The following RNF157 variants were observed in gnomAD, a reference collection of about 807,000 sequenced individuals.
RNF157 encodes the protein E3 ubiquitin ligase RNF157.
In RNF157, 55 loss-of-function variants were observed where a neutral mutation model predicts 88.3. That is an observed-to-expected ratio of 0.62 (90% CI 0.50 to 0.78). RNF157 has a LOEUF of 0.78. Among genes scored for constraint, RNF157 ranks in the 30% least tolerant of loss-of-function variants. The pLI, the probability that RNF157 is intolerant of heterozygous loss-of-function variation, is 0.00. For synonymous variants in RNF157, 334 were observed against 341.2 expected (o/e 0.98, Z 0.23); for missense variants, 788 against 860.8 (o/e 0.92, Z 1.06).
chr17:76,209,164 A>G (rs2069733365), intron 2 of RNF157, among the ~76,000 whole-genome samples: 1 of 151,862 alleles, frequency 6.6e-6, no homozygotes, highest in African/African-American at 2.4e-5. Flanking sequence ...GGCTCAGGTG[A>G]TCCTCCCATC....
At chr17:76,194,896 T>A (rs910445565) in intron 2 of RNF157, among the ~76,000 whole-genome samples, 2 of 152,068 alleles carry the variant, frequency 1.3e-5, no homozygotes, top group African/African-American at 4.8e-5. Context: ...GCGCCTGTAG[T>A]CCCAGCTACT....
At chr17:76,191,279 C>G (rs1003457655) in intron 2 of RNF157, among the ~76,000 whole-genome samples, 1 of 151,580 alleles carries the variant, frequency 6.6e-6, no homozygotes, top group Non-Finnish European at 1.5e-5. Flanking sequence ...AGTTCAAGAT[C>G]GGTTAGGGCA....
intron 1 of RNF157, among the ~76,000 whole-genome samples, chr17:76,224,069 G>T (rs1568074940): frequency 6.6e-6 from 1 of 152,136 alleles, no homozygotes; most frequent in Non-Finnish European, 1.5e-5. Flanking sequence ...ATTACACTGA[G>T]GGAGCCCTAC....
At chr17:76,215,856 T>C (rs914055433) in intron 1 of RNF157, among the ~76,000 whole-genome samples, 2 of 152,208 alleles carry the variant, frequency 1.3e-5, no homozygotes, top group African/African-American at 4.8e-5. Context: ...AGGGCAGCCA[T>C]CTGATACAGT....
rs937701302 is a variant in RNF157, at chr17:76,160,244, G to A, written c.1066-671C>T. 6.6e-6 allele frequency among the ~76,000 whole-genome samples: 1 copy of A among 152,016 alleles called. No homozygotes were observed. The highest frequency in any genetic ancestry group is 1.5e-5 in the Non-Finnish European group (1 of 68,006). ...CTAGTTGTGTCTAACACATCCTATT[G>A]TAAACAAGTTTTGATGAACATCCTT... On this transcript the variant is annotated intron_variant, in intron 11 of 18. Coordinates refer to ENST00000269391, the MANE Select transcript of RNF157 (RefSeq NM_052916.3). This position sits in a 1 kb window ranked among gnomAD's most constrained non-coding sequence, Gnocchi z 4.3.
chr17:76,235,332 G>A (rs570358846), intron 1 of RNF157, among the ~76,000 whole-genome samples: 1 of 151,990 alleles, frequency 6.6e-6, no homozygotes, highest in East Asian at 1.9e-4. Flanking sequence ...CGAGTAGTTG[G>A]GACTACAGGC....
At chr17:76,202,128 T>TCACACACACACACACA (rs60491535) in intron 2 of RNF157, among the ~76,000 whole-genome samples, 3 of 134,602 alleles carry the variant, frequency 2.2e-5, no homozygotes, top group African/African-American at 3.1e-5. Context: ...TCTCTCTCTC[T>TCACACACACACACACA]CACACACACA....
At position 76,195,001 on chromosome 17, in the gene RNF157, C is replaced by A. The variant is rs566180135; in HGVS notation, c.207+17363G>T. ...CTGCACTCCAGCCTGGGTGACAGAG[C>A]GAGACTCTGTCTCAAAAAAACAAAA... On this transcript the variant is annotated intron_variant, in intron 2 of 18. Transcript: ENST00000269391. The surrounding 1 kb of genome is among the most constrained non-coding windows in gnomAD (Gnocchi z 4.4). Among the ~76,000 whole-genome samples the A allele has an allele frequency of 6.6e-6, 1 of 151,800 alleles. No homozygotes were observed. The highest frequency in any genetic ancestry group is 1.5e-5 in the Non-Finnish European group (1 of 67,974).
chr17:76,229,326 C>T (rs2145072373), intron 1 of RNF157, among the ~76,000 whole-genome samples: 1 of 152,344 alleles, frequency 6.6e-6, no homozygotes, highest in South Asian at 2.1e-4. Flanking sequence ...TATCCTGATG[C>T]TGCTGCCTAT....
rs4789248 is a variant in RNF157, at chr17:76,176,954, G to C, written c.208-3164C>G. Among the ~76,000 whole-genome samples, 1 of 152,122 alleles carries C rather than the reference G, an allele frequency of 6.6e-6. No individual in the cohort carries two copies. Among genetic ancestry groups the C allele is most frequent in the African/African-American group, 2.4e-5 (1 of 41,444 alleles). ...CTCGGGAGGAGGTTCTGCGCAGCCC[G>C]TCTGGGGCTGCGCCCCCAGGTCTGC... On this transcript the variant is annotated intron_variant, in intron 2 of 18. Coordinates refer to ENST00000269391, the MANE Select transcript of RNF157 (RefSeq NM_052916.3). This position sits in a 1 kb window ranked among gnomAD's most constrained non-coding sequence, Gnocchi z 4.2.
chr17:76,155,800 G>A (rs1463127031), intron 14 of RNF157, 66 bp from the exon 15 acceptor site: 7 of 1,339,852 alleles, frequency 5.2e-6, no homozygotes, highest in South Asian at 4.6e-5. Flanking sequence ...GCTTTCTGGG[G>A]AGCAGAGCCC....
Position 76,183,493 on chromosome 17 carries a change from T to C in RNF157, c.208-9703A>G, listed in dbSNP as rs938180305. Among the ~76,000 whole-genome samples the C allele has an allele frequency of 2.6e-5, 4 of 152,242 alleles. No homozygotes were observed. The East Asian group carries it at 7.7e-4, about 29-fold the overall frequency. Reference sequence around the variant, plus strand: ...TTTTAGAGGTAGGGTCTTGCTATGTTTCCATGCTGGAATGCAGTGGCTATT... The same window carrying C: ...TTTTAGAGGTAGGGTCTTGCTATGTCTCCATGCTGGAATGCAGTGGCTATT... On this transcript the variant is annotated intron_variant, in intron 2 of 18. Coordinates refer to ENST00000269391, the MANE Select transcript of RNF157 (RefSeq NM_052916.3).
chr17:76,155,508 G>A, intron 15 of RNF157, 54 bp downstream of exon 15: 1 of 1,584,458 alleles, frequency 6.3e-7, no homozygotes, highest in Admixed American at 1.8e-5. Flanking sequence ...ATGCTACTTT[G>A]GACATGTGCA....
chr17:76,194,871 C>G (rs550110686), intron 2 of RNF157, among the ~76,000 whole-genome samples: 2 of 152,014 alleles, frequency 1.3e-5, no homozygotes, highest in East Asian at 3.9e-4. Flanking sequence ...AAAAATTAGC[C>G]AGGCGTGGTG....
At position 76,159,356 on chromosome 17, in the gene RNF157, T is replaced by C. The variant is rs780376360; in HGVS notation, c.1283A>G (p.Lys428Arg). The change falls in exon 12 of 19, where the codon AAA becomes AGA. Residue 428 changes from lysine (K) to arginine (R), a missense_variant. Physicochemically the swap from Lys to Arg is conservative, Grantham distance 26 (BLOSUM62 2). Transcript: ENST00000269391. ...TCACTTGGAGAGACTCTTTTTGAGT[T>C]TGAGTCCCTGACTGCTGCTGTCAGA... ...RLSDSSSQGL[K>R]LKKSLSKSTS... 4 of 1,613,418 alleles carry C rather than the reference T, an allele frequency of 2.5e-6. No homozygotes were observed. The highest frequency in any genetic ancestry group is 3.4e-6 in the Non-Finnish European group (4 of 1,179,756).
intron 2 of RNF157, among the ~76,000 whole-genome samples, chr17:76,206,432 T>TACAAAAGGA (rs1337971170): frequency 3.9e-5 from 6 of 152,200 alleles, no homozygotes; most frequent in Non-Finnish European, 8.8e-5. Flanking sequence ...GATTCACAGA[T>TACAAAAGGA]ACCTTAGTTC....
At chr17:76,184,434 G>A (rs189374204) in intron 2 of RNF157, among the ~76,000 whole-genome samples, 31 of 152,020 alleles carry the variant, frequency 2.0e-4, no homozygotes, top group Admixed American at 7.9e-4. Flanking sequence ...GATACATAAC[G>A]TGTCCAAGGC....
chr17:76,210,015 C>A (rs988793240), intron 2 of RNF157, among the ~76,000 whole-genome samples: 5 of 152,034 alleles, frequency 3.3e-5, no homozygotes, highest in Non-Finnish European at 7.4e-5. Flanking sequence ...GCCTCGGCCT[C>A]CCAGAGTGCT....
intron 3 of RNF157, among the ~76,000 whole-genome samples, chr17:76,169,371 T>G (rs958725727): frequency 2.6e-5 from 4 of 152,174 alleles, no homozygotes; most frequent in African/African-American, 9.6e-5. Context: ...CTCTCATGTC[T>G]TTGAGACTAT....
Sources: gnomAD v4.1 joint callset for allele counts (sites outside exome capture counted in the v4.1 genomes callset) on GRCh38, gnomAD v4.1.1 for gene constraint, Gnocchi (gnomAD v3.1) non-coding constraint, MANE v1.5 for transcripts, NCBI Gene and HGNC (gene_info 2026-07-23, HGNC 2026-07-21) for gene names.